The following HMCN2 variants were observed in gnomAD, a reference collection of about 807,000 sequenced individuals.
The protein encoded by HMCN2 is hemicentin-2.
Under a neutral mutation model 377.5 loss-of-function variants are expected in HMCN2, and 325 were observed. That is an observed-to-expected ratio of 0.86 (90% CI 0.79 to 0.94). The LOEUF (loss-of-function observed/expected upper bound fraction) is 0.94, where lower values mean the gene tolerates loss of function less well. HMCN2 is among the 40% of genes least tolerant of loss of function. The pLI is 0.00. For synonymous variants in HMCN2, 2,007 were observed against 2,046.8 expected (o/e 0.98, Z 0.53); for missense variants, 4,543 against 4,725.3 (o/e 0.96, Z 1.13).
chr9:130,275,743 C>T (rs139183488), intron 1 of HMCN2, among the ~76,000 whole-genome samples: 14 of 152,316 alleles, frequency 9.2e-5, no homozygotes, highest in Non-Finnish European at 8.8e-5. Context: ...AGCCACCACG[C>T]CCGGCCGTGA....
At chr9:130,426,760 ATTT>A (rs71387349) in intron 90 of HMCN2, among the ~76,000 whole-genome samples, 2 of 143,558 alleles carry the variant, frequency 1.4e-5, no homozygotes, top group African/African-American at 2.6e-5. Context: ...ATTTTTTGTG[ATTT>A]TTTTTTTTTT....
intron 75 of HMCN2, 89 bp downstream of exon 75, chr9:130,398,796 C>A: frequency 1.1e-6 from 1 of 882,432 alleles, no homozygotes; most frequent in Non-Finnish European, 1.6e-6. Context: ...AGGGACGGGG[C>A]GGGGTGTGCT....
At chr9:130,408,984 C>T in intron 84 of HMCN2, 51 bp downstream of exon 84, 4 of 1,210,048 alleles carry the variant, frequency 3.3e-6, no homozygotes, top group Non-Finnish European at 4.3e-6. Flanking sequence ...CAACTCTACG[C>T]TTTTTCAGAT....
At chr9:130,413,753 GCACA>G (rs146614247) in intron 85 of HMCN2, among the ~76,000 whole-genome samples, 2 of 151,496 alleles carry the variant, frequency 1.3e-5, no homozygotes, top group Non-Finnish European at 2.9e-5. Flanking sequence ...GCACACACAC[GCACA>G]CACACACACG....
intron 15 of HMCN2, among the ~76,000 whole-genome samples, chr9:130,313,154 T>C (rs1837356984): frequency 3.4e-5 from 5 of 145,956 alleles, no homozygotes; most frequent in Admixed American, 3.4e-4. Flanking sequence ...TGAGCTGGTC[T>C]GGCAGCGGTG....
chr9:130,386,361 G>T, intron 60 of HMCN2, 82 bp from the exon 61 acceptor site: 1 of 827,968 alleles, frequency 1.2e-6, no homozygotes, highest in Non-Finnish European at 1.7e-6. Flanking sequence ...TGGAAGTTTT[G>T]GGGGCCTAGA....
At position 130,424,923 on chromosome 9, in the gene HMCN2, G is replaced by A; in HGVS notation, c.13519+10G>A. On this transcript the variant is annotated intron_variant, in intron 88 of 97. Transcript: ENST00000683500. ...GTGGAGTTTGCTACAGGTAAACAGG[G>A]CCTCCCCCAGGTGGGCCAGGTAGGA... 6.8e-7 allele frequency: 1 copy of A among 1,463,404 alleles called. No homozygotes were observed. Among genetic ancestry groups the A allele is most frequent in the South Asian group, 1.4e-5 (1 of 70,678 alleles). 90.7% of individuals were successfully genotyped at this position (1,463,404 alleles called of 1,614,324 possible).
chr9:130,291,213 T>A (rs1554929957), intron 4 of HMCN2, among the ~76,000 whole-genome samples: 1 of 152,182 alleles, frequency 6.6e-6, no homozygotes, highest in Non-Finnish European at 1.5e-5. Context: ...TGATTTTTGT[T>A]TGTTTGTTTG....
At chr9:130,326,240 T>A (rs1388017600) in intron 21 of HMCN2, among the ~76,000 whole-genome samples, 1 of 151,874 alleles carries the variant, frequency 6.6e-6, no homozygotes, top group Non-Finnish European at 1.5e-5. Flanking sequence ...GGAATGCTGT[T>A]CCCCCACCTC....
At chr9:130,432,088 T>G (rs1421299511) in intron 96 of HMCN2, among the ~76,000 whole-genome samples, 1 of 152,204 alleles carries the variant, frequency 6.6e-6, no homozygotes, top group Admixed American at 6.5e-5. Flanking sequence ...GAAGACAGGA[T>G]CAGGGGCTCT....
chr9:130,377,595 C>G (rs1438200524), intron 52 of HMCN2, 54 bp from the exon 53 acceptor site: 2 of 943,498 alleles, frequency 2.1e-6, no homozygotes, highest in African/African-American at 3.5e-5. Context: ...TCTTGCTGCT[C>G]GTGGCCCCTC....
At chr9:130,412,567 C>CTTTTTTTTTTTTTTTTTTTTTTTTTTTT (rs55873444) in intron 85 of HMCN2, among the ~76,000 whole-genome samples, 4 of 134,526 alleles carry the variant, frequency 3.0e-5, no homozygotes, top group Admixed American at 1.5e-4. Flanking sequence ...CTTTCTTTCT[C>CTTTTTTTTTTTTTTTTTTTTTTTTTTTT]TTTTTTTTTT....
chr9:130,334,260 A>G lies in HMCN2; in HGVS notation c.3360-3634A>G, dbSNP rs1011197718. Among the ~76,000 whole-genome samples, 90 of 152,246 alleles carry G rather than the reference A, an allele frequency of 5.9e-4. 2 individuals are homozygous for G. The South Asian group carries it at 0.016, about 27-fold the overall frequency. On this transcript the variant is annotated intron_variant, in intron 22 of 97. Coordinates refer to ENST00000683500, the MANE Select transcript of HMCN2 (RefSeq NM_001291815.2). ...AGTTGGGGGTGGTCTGCGTAGGTCC[A>G]CACAGGCCATAGTACTGTGCTTGGG...
At chr9:130,281,977 G>C (rs782381564) in intron 1 of HMCN2, among the ~76,000 whole-genome samples, 1 of 151,794 alleles carries the variant, frequency 6.6e-6, no homozygotes, top group Non-Finnish European at 1.5e-5. Context: ...TCAGGACATA[G>C]CCTGGCACTT....
chr9:130,357,255 T>G (rs866729070), intron 34 of HMCN2, among the ~76,000 whole-genome samples: 1 of 82,538 alleles, frequency 1.2e-5, no homozygotes, highest in African/African-American at 5.0e-5. Context: ...GATGGAAGGG[T>G]GGGTAGATGG....
Position 130,308,530 on chromosome 9 carries a change from A to G in HMCN2, c.2200+964A>G, listed in dbSNP as rs1554937706. 6.6e-6 allele frequency among the ~76,000 whole-genome samples: 1 copy of G among 152,052 alleles called. No individual in the cohort carries two copies. The highest frequency in any genetic ancestry group is 1.5e-5 in the Non-Finnish European group (1 of 68,014). The stretch of plus-strand genomic sequence containing the variant: ...GGGGTCAGCAATACTGTCCCCTCCC[A>G]TTCCTTGCAGCAGCTGCCTGGGACC... On this transcript the variant is annotated intron_variant, in intron 14 of 97. Transcript: ENST00000683500. This position sits in a 1 kb window ranked among gnomAD's most constrained non-coding sequence, Gnocchi z 4.1.
At chr9:130,383,091 C>G (rs1379501506) in intron 56 of HMCN2, among the ~76,000 whole-genome samples, 1 of 152,204 alleles carries the variant, frequency 6.6e-6, no homozygotes, top group African/African-American at 2.4e-5. Context: ...CACATGGGTG[C>G]GGGACCCAGA....
At position 130,424,845 on chromosome 9, in the gene HMCN2, A is replaced by T; in HGVS notation, c.13451A>T (p.Glu4484Val). Residue 4484 changes from glutamate (E) to valine (V), a missense_variant, in exon 88 of 98, where the codon GAA (glutamate) becomes GTA (valine). Glu to Val is a moderately radical substitution (Grantham distance 121). This residue lies in a region of HMCN2 where 1,155 missense variants were observed against 1,157.7 expected (regional missense o/e 1.00). Coordinates refer to ENST00000683500, the MANE Select transcript of HMCN2 (RefSeq NM_001291815.2). ...TGGGCCCTGGCCAGAGAGAGTGGGG[A>T]AGCCCTGAATGGCCACTCTCTGACT... ...IYWALARESG[E>V]ALNGHSLTGG... is the part of the protein sequence containing the mutation. 1 of 1,500,154 alleles carries T rather than the reference A, an allele frequency of 6.7e-7. No homozygotes were observed. Among genetic ancestry groups the T allele is most frequent in the Non-Finnish European group, 8.9e-7 (1 of 1,119,598 alleles). 92.9% of individuals were successfully genotyped at this position (1,500,154 alleles called of 1,614,324 possible).
Position 130,375,717 on chromosome 9 carries a change from G to C in HMCN2, c.7785G>C (p.Arg2595Ser). Residue 2595 changes from arginine to serine, a missense_variant, in exon 50 of 98, where the codon AGG becomes AGC. Around this residue, in one of 5 missense-constraint regions of HMCN2, gnomAD observed 736 missense variants for 773.2 expected, o/e 0.95. Coordinates refer to ENST00000683500, the MANE Select transcript of HMCN2 (RefSeq NM_001291815.2). The part of the protein sequence containing the change: ...MKDGAPFEAS[R>S]NIQLLPGTHG... Reference sequence around the variant, plus strand: ...ACGGGGCCCCGTTTGAGGCCTCCAGGAACATCCAGCTGCTCCCAGGTGACG... The same window carrying C: ...ACGGGGCCCCGTTTGAGGCCTCCAGCAACATCCAGCTGCTCCCAGGTGACG... 1 of 985,948 alleles carries C rather than the reference G, an allele frequency of 1.0e-6. No homozygotes were observed. The highest frequency in any genetic ancestry group is 1.7e-5 in the African/African-American group (1 of 57,356). The allele number at this position is 985,948 out of a possible 1,614,324, so 61.1% of individuals were successfully genotyped here. A position where few individuals can be genotyped will look rare whatever the true frequency, so the allele number is the denominator to read the frequency against.
Sources: gnomAD v4.1 joint callset for allele counts (sites outside exome capture counted in the v4.1 genomes callset) on GRCh38, gnomAD v4.1.1 for gene constraint, gnomAD v4.1.1 regional missense constraint, Gnocchi (gnomAD v3.1) non-coding constraint, MANE v1.5 for transcripts, NCBI Gene and HGNC (gene_info 2026-07-23, HGNC 2026-07-21) for gene names.